The following EYS variants were observed in gnomAD, a reference collection of about 807,000 sequenced individuals.
EYS encodes the protein EGF-like photoreceptor maintenance factor.
In EYS, 250 loss-of-function variants were observed where a neutral mutation model predicts 282.1. The ratio of observed to expected loss-of-function variants is 0.89; its 90% CI spans 0.80 to 0.98. The LOEUF (loss-of-function observed/expected upper bound fraction) is 0.98, where lower values mean the gene tolerates loss of function less well. Among genes scored for constraint, EYS ranks in the 50% least tolerant of loss-of-function variants. EYS has a pLI of 0.00. For synonymous variants in EYS, 1,355 were observed against 1,282.9 expected (o/e 1.06, Z -1.20); for missense variants, 4,016 against 3,709.0 (o/e 1.08, Z -2.15).
intron 31 of EYS, among the ~76,000 whole-genome samples, chr6:64,205,316 A>G: frequency 6.6e-6 from 1 of 152,156 alleles, no homozygotes; most frequent in Non-Finnish European, 1.5e-5. Flanking sequence ...TTTAAATTAT[A>G]ATTGGGTGAT....
At chr6:65,291,612 A>C (rs1768528618) in intron 12 of EYS, among the ~76,000 whole-genome samples, 1 of 151,560 alleles carries the variant, frequency 6.6e-6, no homozygotes, top group Non-Finnish European at 1.5e-5. Flanking sequence ...TTTCCATGAC[A>C]TGAATGGGTA....
At position 63,922,694 on chromosome 6, in the gene EYS, A is replaced by G. The variant is rs978578260; in HGVS notation, c.7056-58336T>C. Reference sequence around the variant, plus strand: ...CCTCACTATTAATTTTCCTTTCATAAGATGCGTCATTGTTTGTCCTCAATG... The same window carrying G: ...CCTCACTATTAATTTTCCTTTCATAGGATGCGTCATTGTTTGTCCTCAATG... On this transcript the variant is annotated intron_variant, in intron 35 of 42. Coordinates refer to ENST00000503581, the MANE Select transcript of EYS (RefSeq NM_001142800.2). 1.2e-4 allele frequency among the ~76,000 whole-genome samples: 18 copies of G among 152,234 alleles called. 1 individual carries two copies. The highest frequency in any genetic ancestry group is 4.4e-5 in the Non-Finnish European group (3 of 68,034).
At chr6:65,115,958 G>A (rs62407201) in intron 12 of EYS, among the ~76,000 whole-genome samples, 22,873 of 136,218 alleles carry the variant, frequency 0.17, 2,238 homozygotes, top group African/African-American at 0.3. Context: ...CTGTCTGTCT[G>A]TCTATCTAAT....
At chr6:63,724,310 C>T (rs1206195961) in intron 42 of EYS, among the ~76,000 whole-genome samples, 1 of 152,100 alleles carries the variant, frequency 6.6e-6, no homozygotes, top group African/African-American at 2.4e-5. Flanking sequence ...TAAGAGAAAC[C>T]TTGTAGGACC....
intron 26 of EYS, among the ~76,000 whole-genome samples, chr6:64,481,740 A>C (rs80015441): frequency 0.021 from 3,249 of 151,758 alleles, 60 homozygotes; most frequent in African/African-American, 0.053. Context: ...GATCAAAATA[A>C]GAACCCAGAT....
At chr6:65,155,695 C>T (rs774099245) in intron 12 of EYS, among the ~76,000 whole-genome samples, 7 of 151,414 alleles carry the variant, frequency 4.6e-5, no homozygotes, top group Non-Finnish European at 7.4e-5. Context: ...AATATGATTT[C>T]CTCAGTTATT....
At chr6:64,722,109 T>G (rs1771602548) in intron 22 of EYS, among the ~76,000 whole-genome samples, 1 of 152,114 alleles carries the variant, frequency 6.6e-6, no homozygotes, top group African/African-American at 2.4e-5. Flanking sequence ...AAGTTGAAGA[T>G]TTCAGTTTGT....
chr6:64,465,732 TAA>T (rs34941005), intron 26 of EYS, among the ~76,000 whole-genome samples: 1 of 143,866 alleles, frequency 7.0e-6, no homozygotes. Flanking sequence ...GCCAAAAAAG[TAA>T]AAAAAAAAAA....
chr6:65,506,460 CTTTTTTTTTTTTTTTTTTTTTTT>C (rs58326040), intron 2 of EYS, among the ~76,000 whole-genome samples: 4 of 64,858 alleles, frequency 6.2e-5, no homozygotes, highest in African/African-American at 1.2e-4. Flanking sequence ...TCCTTCCTTT[CTTTTTTTTTTTTTTTTTTTTTTT>C]TTTTTTTTTT....
At chr6:64,127,639 G>C (rs972708610) in intron 31 of EYS, among the ~76,000 whole-genome samples, 1 of 151,972 alleles carries the variant, frequency 6.6e-6, no homozygotes, top group African/African-American at 2.4e-5. Context: ...TAATTCACAA[G>C]CTTTTGAAAA....
At chr6:64,560,553 G>A (rs1419928449) in intron 26 of EYS, among the ~76,000 whole-genome samples, 2 of 151,932 alleles carry the variant, frequency 1.3e-5, no homozygotes, top group African/African-American at 4.8e-5. Flanking sequence ...ATAAAATATA[G>A]AAAACCATCT....
At chr6:64,296,589 T>TAC (rs1769027236) in intron 30 of EYS, among the ~76,000 whole-genome samples, 3 of 4,408 alleles carry the variant, frequency 6.8e-4, no homozygotes, top group Admixed American at 2.3e-3. Flanking sequence ...TATATACATA[T>TAC]ATATATATAT....
At chr6:64,606,524 C>T (rs1327823814) in intron 24 of EYS, among the ~76,000 whole-genome samples, 1 of 152,062 alleles carries the variant, frequency 6.6e-6, no homozygotes, top group Non-Finnish European at 1.5e-5. Flanking sequence ...AGTTGTCACA[C>T]ACCAATGAAT....
intron 27 of EYS, among the ~76,000 whole-genome samples, chr6:64,436,993 C>T (rs866279085): frequency 1.1e-3 from 171 of 151,836 alleles, no homozygotes; most frequent in African/African-American, 3.9e-3. Context: ...AACTCACTTG[C>T]ATTGTGTTTC....
chr6:64,333,928 T>C (rs539978086), intron 29 of EYS, among the ~76,000 whole-genome samples: 67 of 152,326 alleles, frequency 4.4e-4, no homozygotes, highest in African/African-American at 1.6e-3. Context: ...AAAGAATTGA[T>C]GCCGCAAGAC....
At chr6:65,142,503 C>CACACAG (rs1554159718) in intron 12 of EYS, among the ~76,000 whole-genome samples, 1 of 151,368 alleles carries the variant, frequency 6.6e-6, no homozygotes, top group Non-Finnish European at 1.5e-5. Context: ...CACACACACA[C>CACACAG]ACACACACAC....
chr6:65,444,756 T>C (rs923155856), intron 5 of EYS, among the ~76,000 whole-genome samples: 4 of 152,074 alleles, frequency 2.6e-5, no homozygotes, highest in African/African-American at 7.2e-5. Flanking sequence ...CATTTTCTTC[T>C]ATAGAGCCTA....
chr6:64,795,627 G>A (rs1043151794), intron 22 of EYS, among the ~76,000 whole-genome samples: 28 of 152,114 alleles, frequency 1.8e-4, no homozygotes, highest in Non-Finnish European at 2.2e-4. Context: ...TCAAGGGACC[G>A]TGTAAACATA....
chr6:64,911,624 C>T (rs1286172178), intron 16 of EYS, among the ~76,000 whole-genome samples: 1 of 152,094 alleles, frequency 6.6e-6, no homozygotes, highest in Non-Finnish European at 1.5e-5. Flanking sequence ...CATGAAACCA[C>T]AGTGAGTATT....
Sources: allele counts gnomAD v4.1 joint callset (sites outside exome capture counted in the v4.1 genomes callset), GRCh38; gene constraint gnomAD v4.1.1; transcripts MANE v1.5; gene names NCBI Gene and HGNC (gene_info 2026-07-23, HGNC 2026-07-21).